RPTOR: variants seen among roughly 807,000 people sequenced by gnomAD.
RPTOR encodes regulatory associated protein of MTOR complex 1.
A neutral mutation model predicts 169.9 loss-of-function variants in RPTOR; 21 were observed. The ratio of observed to expected loss-of-function variants is 0.12; its 90% CI spans 0.09 to 0.18. The LOEUF is 0.18. RPTOR is among the 10% of genes least tolerant of loss of function. RPTOR has a pLI of 1.00. For synonymous variants in RPTOR, 732 were observed against 753.2 expected, an observed-to-expected ratio of 0.97 and a Z score of 0.46; for missense variants, 1,133 against 1,855.9, an observed-to-expected ratio of 0.61 and a Z score of 7.16.
intron 7 of RPTOR, among the ~76,000 whole-genome samples, chr17:80,796,012 A>G (rs1198340508): frequency 6.6e-6 from 1 of 152,192 alleles, no homozygotes; most frequent in Non-Finnish European, 1.5e-5. Flanking sequence ...ACTCCCAGGC[A>G]TCGTTGCCCT....
intron 20 of RPTOR, among the ~76,000 whole-genome samples, chr17:80,899,640 G>C (rs778177432): frequency 9.9e-5 from 15 of 152,206 alleles, no homozygotes; most frequent in Non-Finnish European, 1.6e-4. Flanking sequence ...TTTGCAGGTG[G>C]GACTGCCCCT....
chr17:80,891,891 G>T, intron 18 of RPTOR, 54 bp downstream of exon 18: 2 of 1,268,990 alleles, frequency 1.6e-6, no homozygotes, highest in African/African-American at 1.5e-5. Flanking sequence ...CGGTTCTAGT[G>T]CAGGCCGCGG....
At chr17:80,631,561 G>A (rs2065442623) in intron 2 of RPTOR, among the ~76,000 whole-genome samples, 1 of 152,138 alleles carries the variant, frequency 6.6e-6, no homozygotes, top group Non-Finnish European at 1.5e-5. Context: ...TCTGCCCTGC[G>A]GTCTCAGCTC....
intron 3 of RPTOR, among the ~76,000 whole-genome samples, chr17:80,655,078 A>C (rs775491391): frequency 1.3e-5 from 2 of 152,180 alleles, no homozygotes; most frequent in Non-Finnish European, 2.9e-5. Context: ...GATCTCTAAA[A>C]CATAGTTTCT....
At chr17:80,813,579 A>C (rs2067294368) in intron 7 of RPTOR, among the ~76,000 whole-genome samples, 1 of 152,202 alleles carries the variant, frequency 6.6e-6, no homozygotes, top group Non-Finnish European at 1.5e-5. Flanking sequence ...TCTGAGATAG[A>C]CATATATAGC....
intron 3 of RPTOR, among the ~76,000 whole-genome samples, chr17:80,644,307 GTTT>G (rs3046923): frequency 1.1e-4 from 12 of 109,152 alleles, no homozygotes; most frequent in African/African-American, 1.9e-4. Flanking sequence ...TAGTGTGTGG[GTTT>G]TTTTTTTTTT....
intron 6 of RPTOR, among the ~76,000 whole-genome samples, chr17:80,786,876 G>A (rs1309496844): frequency 6.6e-6 from 1 of 152,202 alleles, no homozygotes; most frequent in Non-Finnish European, 1.5e-5. Context: ...TGCGTACCCA[G>A]CCTGGATCCG....
intron 20 of RPTOR, among the ~76,000 whole-genome samples, chr17:80,903,979 T>C (rs1426885532): frequency 6.6e-6 from 1 of 152,246 alleles, no homozygotes; most frequent in Non-Finnish European, 1.5e-5. Context: ...TACAGGATTA[T>C]GTTTTTAGGA....
rs2066383085 is a variant in RPTOR at position 80,730,629 on chromosome 17, G to A, written c.577G>A (p.Val193Ile). ...GTGGATGGGCAGCCCGTCGATCTTC[G>A]TCTACGACTGCTCCAATGCTGGCTT... ...QTWMGSPSIF[V>I]YDCSNAGLIV... The change falls in exon 5 of 34, where the codon GTC (valine) becomes ATC (isoleucine). Residue 193 changes from valine to isoleucine, a missense_variant. This residue lies in a region of RPTOR where 74 missense variants were observed against 168.3 expected (regional missense o/e 0.44). Coordinates refer to ENST00000306801, the MANE Select transcript of RPTOR (RefSeq NM_020761.3). This position sits in a 1 kb window ranked among gnomAD's most constrained non-coding sequence, Gnocchi z 4.2. 3.7e-6 allele frequency: 6 copies of A among 1,614,044 alleles called. No individual in the cohort carries two copies. The highest frequency in any genetic ancestry group is 2.2e-5 in the East Asian group (1 of 44,858).
At chr17:80,719,175 A>C (rs566850934) in intron 4 of RPTOR, among the ~76,000 whole-genome samples, 1 of 152,174 alleles carries the variant, frequency 6.6e-6, no homozygotes, top group Non-Finnish European at 1.5e-5. Flanking sequence ...CTAGAGCCGA[A>C]GAAGGCCAAG....
Position 80,633,090 on chromosome 17 carries a change from A to G in RPTOR, c.265+7297A>G, listed in dbSNP as rs777902966. Among the ~76,000 whole-genome samples the G allele has an allele frequency of 6.6e-6, 1 of 152,126 alleles. No individual in the cohort carries two copies. The highest frequency in any genetic ancestry group is 1.5e-5 in the Non-Finnish European group (1 of 68,020). ...TGAAATGACCGGCATGAGCTACCAC[A>G]CTAGGCCCATTTTTCATTTTGAAAA... is the stretch of plus-strand genomic sequence containing the variant. On this transcript the variant is annotated intron_variant, in intron 2 of 33. Transcript: ENST00000306801. This position sits in a 1 kb window ranked among gnomAD's most constrained non-coding sequence, Gnocchi z 4.1.
At chr17:80,964,206 C>T (rs938982657) in intron 33 of RPTOR, 56 bp from the exon 34 acceptor site, 1 of 1,263,822 alleles carries the variant, frequency 7.9e-7, no homozygotes, top group Non-Finnish European at 1.1e-6. Context: ...CCCCCCCGCC[C>T]CCCGCAGTGT....
In RPTOR at chr17:80,893,855, C is replaced by T. The variant is rs368443225; in HGVS notation, c.2391C>T (p.Asn797=). The T allele has an allele frequency of 1.6e-5, 24 of 1,519,978 alleles. No individual in the cohort carries two copies. Among genetic ancestry groups the T allele is most frequent in the Middle Eastern group, 1.8e-4 (1 of 5,648 alleles). The allele number at this position is 1,519,978 out of a possible 1,614,324, so 94.2% of individuals were successfully genotyped here. A position where few individuals can be genotyped will look rare whatever the true frequency, so the allele number is the denominator to read the frequency against. Reference sequence around the variant, plus strand: ...GCGCCAGCTCCTACTCCTCCCTCAACTCCCTCATCGGTGAGTCCGCCTGCC... The same window carrying T: ...GCGCCAGCTCCTACTCCTCCCTCAATTCCCTCATCGGTGAGTCCGCCTGCC... ...MRRASSYSSL[N]SLIGVSFNSV... is the part of the protein sequence containing the mutation. Residue 797 remains asparagine, a synonymous_variant, in exon 20 of 34, where the codon AAC becomes AAT. Coordinates refer to ENST00000306801, the MANE Select transcript of RPTOR (RefSeq NM_020761.3).
At chr17:80,569,599 C>T (rs780094142) in intron 1 of RPTOR, among the ~76,000 whole-genome samples, 3 of 152,100 alleles carry the variant, frequency 2.0e-5, no homozygotes, top group Admixed American at 2.0e-4. Context: ...ACTATGGCCC[C>T]TTGCTTGTTT....
Position 80,759,056 on chromosome 17 carries a change from C to A in RPTOR, c.830+4871C>A, listed in dbSNP as rs560462490. On this transcript the variant is annotated intron_variant, in intron 6 of 33. Coordinates refer to ENST00000306801, the MANE Select transcript of RPTOR (RefSeq NM_020761.3). The stretch of plus-strand genomic sequence containing the variant: ...TGGCTTCCCTCCGCGCACAGCTGTG[C>A]ACTCCCAAAGACGCCTGGGCCAGAT... Among the ~76,000 whole-genome samples, 12 of 151,890 alleles carry A rather than the reference C, an allele frequency of 7.9e-5. No homozygotes were observed. In the East Asian group the frequency reaches 2.3e-3, roughly 29 times the overall value.
chr17:80,821,819 C>A (rs1050752543), intron 7 of RPTOR, among the ~76,000 whole-genome samples: 1 of 152,182 alleles, frequency 6.6e-6, no homozygotes, highest in African/African-American at 2.4e-5. Flanking sequence ...CCACAGCGTT[C>A]GGTGGCTGAG....
intron 1 of RPTOR, among the ~76,000 whole-genome samples, chr17:80,622,068 G>A (rs2065358761): frequency 6.6e-6 from 1 of 152,206 alleles, no homozygotes; most frequent in Admixed American, 6.5e-5. Context: ...GACAAGATAA[G>A]AAGCCAGTGG....
At chr17:80,685,611 A>ATATATATGTG (rs1250030146) in intron 3 of RPTOR, among the ~76,000 whole-genome samples, 4 of 10,114 alleles carry the variant, frequency 4.0e-4, no homozygotes, top group African/African-American at 1.3e-3. Flanking sequence ...CCATATATAT[A>ATATATATGTG]TATATATATA....
At chr17:80,950,917 G>A (rs937354899) in intron 28 of RPTOR, among the ~76,000 whole-genome samples, 4 of 152,186 alleles carry the variant, frequency 2.6e-5, no homozygotes, top group African/African-American at 7.2e-5. Flanking sequence ...GCACGGGAGC[G>A]CCTGGCTGAG....
Sources: allele counts gnomAD v4.1 joint callset (sites outside exome capture counted in the v4.1 genomes callset), GRCh38; gene constraint gnomAD v4.1.1; regional missense constraint gnomAD v4.1.1; non-coding constraint Gnocchi (gnomAD v3.1); transcripts MANE v1.5; gene names NCBI Gene and HGNC (gene_info 2026-07-23, HGNC 2026-07-21).